ERBB4: variants seen among roughly 807,000 people sequenced by gnomAD.
ERBB4 encodes erb-b2 receptor tyrosine kinase 4, also known as receptor tyrosine-protein kinase erbB-4.
A neutral mutation model predicts 158.0 loss-of-function variants in ERBB4; 42 were observed. The ratio of observed to expected loss-of-function variants is 0.27; its 90% CI spans 0.21 to 0.34. The LOEUF is 0.34. Among genes scored for constraint, ERBB4 ranks in the 10% least tolerant of loss-of-function variants. The probability of loss-of-function intolerance (pLI) is 1.00; values close to 1 mark genes in which losing one functional copy is unlikely to be tolerated. For missense variants in ERBB4, 1,333 were observed against 1,624.1 expected (o/e 0.82, Z 3.08); for synonymous variants, 583 against 558.7 (o/e 1.04, Z -0.61).
intron 19 of ERBB4, among the ~76,000 whole-genome samples, chr2:211,572,268 A>T (rs190438567): frequency 6.6e-6 from 1 of 152,294 alleles, no homozygotes; most frequent in Admixed American, 6.5e-5. Context: ...CAATAAACAC[A>T]TGTTGAATTA....
intron 3 of ERBB4, among the ~76,000 whole-genome samples, chr2:211,831,333 G>A (rs763407669): frequency 2.6e-5 from 4 of 152,122 alleles, no homozygotes; most frequent in Admixed American, 1.3e-4. Context: ...CATGTTATGT[G>A]TGCAGTTCAC....
At chr2:211,529,929 T>C (rs2066450425) in intron 20 of ERBB4, among the ~76,000 whole-genome samples, 1 of 152,128 alleles carries the variant, frequency 6.6e-6, no homozygotes, top group African/African-American at 2.4e-5. Flanking sequence ...CTCTAAGATT[T>C]GAAACGTGAC....
At chr2:211,761,080 A>G (rs2075399916) in intron 4 of ERBB4, among the ~76,000 whole-genome samples, 1 of 151,348 alleles carries the variant, frequency 6.6e-6, no homozygotes, top group African/African-American at 2.4e-5. Context: ...CTGTAATCCT[A>G]GCTACTCAGG....
chr2:212,288,122 G>GT (rs1190423297), intron 1 of ERBB4, among the ~76,000 whole-genome samples: 2 of 152,154 alleles, frequency 1.3e-5, no homozygotes, highest in African/African-American at 4.8e-5. Context: ...TTTTAAGATA[G>GT]TAAGAGTGTC....
intron 3 of ERBB4, among the ~76,000 whole-genome samples, chr2:211,851,549 C>T (rs2077722196): frequency 6.6e-6 from 1 of 151,844 alleles, no homozygotes. Context: ...GGGGATGTAG[C>T]ACAAGTTCTA....
chr2:211,564,144 T>C (rs548471233), intron 19 of ERBB4, among the ~76,000 whole-genome samples: 104 of 152,166 alleles, frequency 6.8e-4, no homozygotes, highest in Admixed American at 1.2e-3. Flanking sequence ...ATAGTAAAAG[T>C]AGGAAGTGGC....
intron 1 of ERBB4, among the ~76,000 whole-genome samples, chr2:212,477,432 A>G (rs547986383): frequency 3.3e-4 from 50 of 152,302 alleles, no homozygotes; most frequent in South Asian, 1.0e-3. Context: ...AATGTGCAGT[A>G]CACCCTCAGG....
At position 212,402,453 on chromosome 2, in the gene ERBB4, A is replaced by C. The variant is rs142579970; in HGVS notation, c.82+135996T>G. On this transcript the variant is annotated intron_variant, in intron 1 of 27. Coordinates refer to ENST00000342788, the MANE Select transcript of ERBB4 (RefSeq NM_005235.3). Reference sequence around the variant, plus strand: ...TGGTGGTGAACACAAGAGCCTACCCAGGTGATAAAACCATGTAGAACTTAT... The same window carrying C: ...TGGTGGTGAACACAAGAGCCTACCCCGGTGATAAAACCATGTAGAACTTAT... Among the ~76,000 whole-genome samples the C allele has an allele frequency of 2.8e-3, 430 of 152,228 alleles. 4 individuals carry two copies. Among genetic ancestry groups the C allele is most frequent in the Admixed American group, 0.015 (232 of 15,260 alleles).
chr2:212,017,808 A>G (rs556407574), intron 2 of ERBB4, among the ~76,000 whole-genome samples: 1 of 152,286 alleles, frequency 6.6e-6, no homozygotes, highest in Admixed American at 6.5e-5. Context: ...CTGGAAGTTT[A>G]GTGATAACTA....
chr2:211,953,849 T>A (rs1559176927), intron 2 of ERBB4, among the ~76,000 whole-genome samples: 1 of 144,182 alleles, frequency 6.9e-6, no homozygotes, highest in Non-Finnish European at 1.5e-5. Flanking sequence ...TAGCAATAAG[T>A]CCAGGAAAAA....
At chr2:212,301,712 TAA>T (rs2086630176) in intron 1 of ERBB4, among the ~76,000 whole-genome samples, 1 of 150,906 alleles carries the variant, frequency 6.6e-6, no homozygotes, top group Non-Finnish European at 1.5e-5. Context: ...CATACAATAT[TAA>T]TGGTCCCCCC....
chr2:212,488,487 T>C (rs1444065372), intron 1 of ERBB4, among the ~76,000 whole-genome samples: 2 of 152,074 alleles, frequency 1.3e-5, no homozygotes, highest in Non-Finnish European at 2.9e-5. Flanking sequence ...TCTTCACTAA[T>C]GCCTGGGAAT....
chr2:212,494,570 A>T (rs77407292), intron 1 of ERBB4, among the ~76,000 whole-genome samples: 3,554 of 152,102 alleles, frequency 0.023, 108 homozygotes, highest in South Asian at 0.081. Flanking sequence ...ATCCCCAGGA[A>T]ATGCCCAGGT....
chr2:212,032,992 A>G (rs1234872417), intron 2 of ERBB4, among the ~76,000 whole-genome samples: 2 of 151,998 alleles, frequency 1.3e-5, no homozygotes, highest in Non-Finnish European at 2.9e-5. Context: ...CAAGATGACT[A>G]ATTTCACTTC....
chr2:211,464,260 C>G (rs2064615431), intron 20 of ERBB4, among the ~76,000 whole-genome samples: 1 of 152,118 alleles, frequency 6.6e-6, no homozygotes, highest in African/African-American at 2.4e-5. Flanking sequence ...AAGACAGTGC[C>G]TAGAACATAC....
intron 19 of ERBB4, among the ~76,000 whole-genome samples, chr2:211,590,714 A>T (rs1198192481): frequency 6.6e-6 from 1 of 152,154 alleles, no homozygotes; most frequent in Non-Finnish European, 1.5e-5. Flanking sequence ...TTTCCCGCTC[A>T]GCTGGCTCTG....
chr2:212,031,931 T>G (rs918237820), intron 2 of ERBB4, among the ~76,000 whole-genome samples: 1 of 152,040 alleles, frequency 6.6e-6, no homozygotes, highest in Non-Finnish European at 1.5e-5. Context: ...CAATCCCTGG[T>G]GAGTTTAGAG....
At chr2:212,490,178 G>A (rs1403248377) in intron 1 of ERBB4, among the ~76,000 whole-genome samples, 1 of 151,634 alleles carries the variant, frequency 6.6e-6, no homozygotes, top group Non-Finnish European at 1.5e-5. Flanking sequence ...CATTTTCTTT[G>A]TTCTATCTCT....
chr2:211,731,311 C>T (rs914541816), intron 5 of ERBB4, among the ~76,000 whole-genome samples: 8 of 152,046 alleles, frequency 5.3e-5, no homozygotes, highest in African/African-American at 1.7e-4. Context: ...TGCCTCTATT[C>T]TATTTTTGTG....
Sources: allele counts gnomAD v4.1 joint callset (sites outside exome capture counted in the v4.1 genomes callset), GRCh38; gene constraint gnomAD v4.1.1; transcripts MANE v1.5; gene names NCBI Gene and HGNC (gene_info 2026-07-23, HGNC 2026-07-21).